Variants in RNF217 observed in about 807,000 individuals in gnomAD.
RNF217 encodes the protein E3 ubiquitin-protein ligase RNF217.
A neutral mutation model predicts 57.8 loss-of-function variants in RNF217; 31 were observed. That is an observed-to-expected ratio of 0.54 (90% CI 0.40 to 0.72). The LOEUF (loss-of-function observed/expected upper bound fraction) is 0.72, where lower values mean the gene tolerates loss of function less well. Ranked by LOEUF, RNF217 falls within the 30% of genes least tolerant of loss-of-function variation. The pLI is 0.00. For synonymous variants in RNF217, 313 were observed against 294.0 expected, an observed-to-expected ratio of 1.06 and a Z score of -0.66; for missense variants, 696 against 708.3, an observed-to-expected ratio of 0.98 and a Z score of 0.20.
At chr6:124,985,363 A>T (rs1480044215) in intron 1 of RNF217, among the ~76,000 whole-genome samples, 3 of 152,222 alleles carry the variant, frequency 2.0e-5, no homozygotes, top group African/African-American at 7.2e-5. Flanking sequence ...AGATGTTTTC[A>T]TACAGGCATG....
At chr6:125,054,968 G>C (rs531226086) in intron 2 of RNF217, among the ~76,000 whole-genome samples, 1 of 152,260 alleles carries the variant, frequency 6.6e-6, no homozygotes, top group East Asian at 1.9e-4. Flanking sequence ...GTGGTTGTGA[G>C]ATAGCATTTC....
At chr6:125,019,357 A>C (rs527580090) in intron 1 of RNF217, among the ~76,000 whole-genome samples, 63 of 152,280 alleles carry the variant, frequency 4.1e-4, no homozygotes, top group African/African-American at 1.5e-3. Flanking sequence ...CAACTCTGCT[A>C]TCTTTCTTAC....
At chr6:125,039,567 G>A (rs1786792417) in intron 1 of RNF217, among the ~76,000 whole-genome samples, 1 of 152,114 alleles carries the variant, frequency 6.6e-6, no homozygotes, top group African/African-American at 2.4e-5. Context: ...AGGACATTGA[G>A]GACTTGAACT....
At chr6:125,036,866 C>T (rs1410567032) in intron 1 of RNF217, among the ~76,000 whole-genome samples, 5 of 148,976 alleles carry the variant, frequency 3.4e-5, no homozygotes, top group Non-Finnish European at 7.4e-5. Context: ...ATAACAGATG[C>T]TTTTATTATT....
intron 1 of RNF217, among the ~76,000 whole-genome samples, chr6:124,975,619 T>G (rs1783927498): frequency 6.6e-6 from 1 of 152,140 alleles, no homozygotes; most frequent in Non-Finnish European, 1.5e-5. Flanking sequence ...TTGTTTTTAG[T>G]AGAGATAGAG....
At chr6:125,003,633 A>G (rs1480446907) in intron 1 of RNF217, among the ~76,000 whole-genome samples, 1 of 152,192 alleles carries the variant, frequency 6.6e-6, no homozygotes, top group Non-Finnish European at 1.5e-5. Flanking sequence ...GGATTTGTTA[A>G]TTAGCTTGAT....
At position 125,037,037 on chromosome 6, in the gene RNF217, G is replaced by A. The variant is rs186529031; in HGVS notation, c.883-8174G>A. On this transcript the variant is annotated intron_variant, in intron 1 of 5. Transcript: ENST00000521654. ...GACAGGGTGGCGATTCTTCAAGACTGATTTTTTTAATGGATATTAAACCAA... is the reference window on the plus strand; with the variant it reads ...GACAGGGTGGCGATTCTTCAAGACTAATTTTTTTAATGGATATTAAACCAA... 5.7e-3 allele frequency among the ~76,000 whole-genome samples: 847 copies of A among 149,724 alleles called. 8 individuals are homozygous for A. The highest frequency in any genetic ancestry group is 0.02 in the African/African-American group (798 of 40,758).
intron 2 of RNF217, among the ~76,000 whole-genome samples, chr6:125,054,716 A>G (rs766380378): frequency 6.6e-6 from 1 of 152,336 alleles, no homozygotes; most frequent in Non-Finnish European, 1.5e-5. Flanking sequence ...CGATGCAGTC[A>G]CATGGTATAG....
At chr6:124,995,905 A>C (rs1191812326) in intron 1 of RNF217, among the ~76,000 whole-genome samples, 2 of 152,112 alleles carry the variant, frequency 1.3e-5, no homozygotes, top group African/African-American at 4.8e-5. Context: ...CTGGGTGATG[A>C]GCAAGACTCT....
chr6:125,060,850 A>G (rs982743446), intron 3 of RNF217, among the ~76,000 whole-genome samples: 9 of 152,176 alleles, frequency 5.9e-5, no homozygotes, highest in Admixed American at 1.3e-4. Context: ...GCCCCAGTGT[A>G]CTTACTCCTA....
intron 1 of RNF217, among the ~76,000 whole-genome samples, chr6:125,039,133 G>C (rs1786772187): frequency 1.3e-5 from 2 of 152,140 alleles, no homozygotes; most frequent in Admixed American, 1.3e-4. Context: ...AGTTTGCTGA[G>C]GATAATAGCT....
intron 1 of RNF217, among the ~76,000 whole-genome samples, chr6:125,006,410 TATA>T (rs1174671984): frequency 6.6e-6 from 1 of 152,206 alleles, no homozygotes; most frequent in East Asian, 1.9e-4. Flanking sequence ...TAGTTACTAT[TATA>T]ATATTATTTT....
intron 2 of RNF217, among the ~76,000 whole-genome samples, chr6:125,048,835 A>G (rs909644105): frequency 4.6e-5 from 7 of 152,040 alleles, no homozygotes; most frequent in African/African-American, 1.7e-4. Context: ...AACACCCAAC[A>G]ATTCCCTTCT....
intron 1 of RNF217, among the ~76,000 whole-genome samples, chr6:125,031,089 C>T (rs960369984): frequency 6.6e-6 from 1 of 152,266 alleles, no homozygotes; most frequent in African/African-American, 2.4e-5. Context: ...GAAGCCACAG[C>T]CCGAGCTGTA....
At chr6:124,967,147 A>G (rs1161566542) in intron 1 of RNF217, among the ~76,000 whole-genome samples, 1 of 152,188 alleles carries the variant, frequency 6.6e-6, no homozygotes, top group Non-Finnish European at 1.5e-5. Flanking sequence ...TAAATCTGGA[A>G]CATTCATTTC....
intron 1 of RNF217, among the ~76,000 whole-genome samples, chr6:124,989,179 G>A (rs1045691282): frequency 2.6e-5 from 4 of 151,906 alleles, no homozygotes; most frequent in East Asian, 1.9e-4. Context: ...TTTTTAAACC[G>A]TCACTTTACT....
At chr6:125,003,959 G>A (rs1785077799) in intron 1 of RNF217, among the ~76,000 whole-genome samples, 1 of 152,148 alleles carries the variant, frequency 6.6e-6, no homozygotes, top group African/African-American at 2.4e-5. Context: ...GTTTAAGCTT[G>A]TTGTCCAGTA....
At chr6:125,079,841 T>C (rs886237501) in intron 4 of RNF217, among the ~76,000 whole-genome samples, 1 of 152,100 alleles carries the variant, frequency 6.6e-6, no homozygotes, top group African/African-American at 2.4e-5. Flanking sequence ...TATATGGATA[T>C]GATAGCAATT....
intron 1 of RNF217, among the ~76,000 whole-genome samples, chr6:124,999,341 C>A (rs1784881197): frequency 6.6e-6 from 1 of 152,226 alleles, no homozygotes; most frequent in Non-Finnish European, 1.5e-5. Flanking sequence ...GATTCCCCAG[C>A]AGATCCCTTC....
Sources: gnomAD v4.1 joint callset for allele counts (sites outside exome capture counted in the v4.1 genomes callset) on GRCh38, gnomAD v4.1.1 for gene constraint, MANE v1.5 for transcripts, NCBI Gene and HGNC (gene_info 2026-07-23, HGNC 2026-07-21) for gene names.